The following BABAM2 variants were observed in gnomAD, a reference collection of about 807,000 sequenced individuals.
BABAM2 encodes BRISC and BRCA1 A complex member 2.
In BABAM2, 31 loss-of-function variants were observed where a neutral mutation model predicts 54.7. The ratio of observed to expected loss-of-function variants is 0.57; its 90% CI spans 0.43 to 0.77. The LOEUF (loss-of-function observed/expected upper bound fraction) is 0.77, where lower values mean the gene tolerates loss of function less well. BABAM2 is among the 30% of genes least tolerant of loss of function. The pLI is 0.00. For synonymous variants in BABAM2, 167 were observed against 162.9 expected (o/e 1.03, Z -0.19); for missense variants, 364 against 455.8 (o/e 0.80, Z 1.83).
At chr2:28,168,516 A>G (rs892262959) in intron 7 of BABAM2, among the ~76,000 whole-genome samples, 1 of 152,068 alleles carries the variant, frequency 6.6e-6, no homozygotes, top group African/African-American at 2.4e-5. Context: ...TTTTCCTTTC[A>G]TTTATGCCAA....
At chr2:27,950,534 T>C (rs796969455) in intron 3 of BABAM2, among the ~76,000 whole-genome samples, 5 of 152,322 alleles carry the variant, frequency 3.3e-5, no homozygotes, top group African/African-American at 1.2e-4. Flanking sequence ...TTTCTCTATA[T>C]TGTTGGATTT....
rs190541374 is a variant in BABAM2 at position 28,130,808 on chromosome 2, C to T, written c.680+1428C>T. On this transcript the variant is annotated intron_variant, in intron 7 of 11. Coordinates refer to ENST00000379624, the MANE Select transcript of BABAM2 (RefSeq NM_199191.3). Reference sequence around the variant, plus strand: ...AGGCTGGAGTGCAGTGGTGCAATCTCGGCTCACTGCAACCTCCACCTTCTG... The same window carrying T: ...AGGCTGGAGTGCAGTGGTGCAATCTTGGCTCACTGCAACCTCCACCTTCTG... Among the ~76,000 whole-genome samples the T allele has an allele frequency of 9.3e-4, 141 of 151,844 alleles. 2 individuals carry two copies. The East Asian group carries it at 0.014, about 15-fold the overall frequency.
At chr2:27,937,595 G>A (rs566503790) in intron 3 of BABAM2, among the ~76,000 whole-genome samples, 1 of 152,198 alleles carries the variant, frequency 6.6e-6, no homozygotes, top group African/African-American at 2.4e-5. Context: ...TTCATATACT[G>A]GTTGACCATT....
intron 4 of BABAM2, among the ~76,000 whole-genome samples, chr2:28,015,153 G>T (rs1329706280): frequency 6.6e-6 from 1 of 152,166 alleles, no homozygotes; most frequent in Non-Finnish European, 1.5e-5. Flanking sequence ...CTGGTAGCCA[G>T]CTCTGACCTT....
chr2:28,326,405 G>A (rs78919436), intron 11 of BABAM2, among the ~76,000 whole-genome samples: 6 of 152,182 alleles, frequency 3.9e-5, no homozygotes, highest in African/African-American at 1.2e-4. Context: ...GGTGCAGATG[G>A]GGAGACAAGA....
chr2:28,172,840 C>A (rs1269831084), intron 7 of BABAM2, among the ~76,000 whole-genome samples: 1 of 152,194 alleles, frequency 6.6e-6, no homozygotes, highest in East Asian at 1.9e-4. Context: ...TCAGCTCAGG[C>A]TGCCATAACA....
At chr2:28,112,194 C>T (rs1437334100) in intron 6 of BABAM2, among the ~76,000 whole-genome samples, 4 of 78,600 alleles carry the variant, frequency 5.1e-5, no homozygotes, top group African/African-American at 2.1e-4. Context: ...TCCCTCCCTC[C>T]CTCCCTTCCT....
At chr2:28,076,761 C>T (rs530743346) in intron 6 of BABAM2, among the ~76,000 whole-genome samples, 36 of 152,246 alleles carry the variant, frequency 2.4e-4, no homozygotes, top group South Asian at 2.1e-3. Flanking sequence ...CCGCTTCGGC[C>T]TCCCAAAGTG....
chr2:28,147,401 A>AT (rs1362499933), intron 7 of BABAM2, among the ~76,000 whole-genome samples: 1 of 151,956 alleles, frequency 6.6e-6, no homozygotes, highest in East Asian at 1.9e-4. Context: ...CCTCCCCTTA[A>AT]TTTTTTGTTT....
At chr2:28,106,368 A>G (rs537262423) in intron 6 of BABAM2, among the ~76,000 whole-genome samples, 283 of 152,256 alleles carry the variant, frequency 1.9e-3, no homozygotes, top group Non-Finnish European at 3.2e-3. Context: ...CGCTCCTCCC[A>G]CCTCAGCCTC....
At chr2:28,125,879 A>G (rs1669477962) in intron 6 of BABAM2, among the ~76,000 whole-genome samples, 1 of 152,240 alleles carries the variant, frequency 6.6e-6, no homozygotes, top group South Asian at 2.1e-4. Flanking sequence ...TTATGTGGCT[A>G]TTTAAAAAGC....
In BABAM2 at chr2:28,325,834, T is replaced by C. The variant is rs1690399977; in HGVS notation, c.1089-12616T>C. On this transcript the variant is annotated intron_variant, in intron 11 of 11. Coordinates refer to ENST00000379624, the MANE Select transcript of BABAM2 (RefSeq NM_199191.3). This position sits in a 1 kb window ranked among gnomAD's most constrained non-coding sequence, Gnocchi z 4.3. ...CCTGTGGAAGCCATGAGCTCTGGCC[T>C]CTGGATGCTGAGATCTGGTGGAAGA... 6.6e-6 allele frequency among the ~76,000 whole-genome samples: 1 copy of C among 152,204 alleles called. No individual in the cohort carries two copies. The highest frequency in any genetic ancestry group is 1.5e-5 in the Non-Finnish European group (1 of 68,034).
chr2:28,123,932 G>A (rs536083041), intron 6 of BABAM2, among the ~76,000 whole-genome samples: 1 of 152,072 alleles, frequency 6.6e-6, no homozygotes, highest in Non-Finnish European at 1.5e-5. Flanking sequence ...AAGCATTTCC[G>A]CTCTTTATTG....
chr2:27,907,255 CTT>C (rs879351795), intron 2 of BABAM2, among the ~76,000 whole-genome samples: 3 of 144,996 alleles, frequency 2.1e-5, no homozygotes, highest in Non-Finnish European at 4.6e-5. Context: ...AAAAATACAT[CTT>C]TTTTTTTTTT....
chr2:28,107,384 T>C (rs1414479957), intron 6 of BABAM2, among the ~76,000 whole-genome samples: 2 of 152,218 alleles, frequency 1.3e-5, no homozygotes, highest in African/African-American at 2.4e-5. Flanking sequence ...ATAAAACAAG[T>C]TCCTTAACTA....
intron 7 of BABAM2, among the ~76,000 whole-genome samples, chr2:28,213,946 T>TAAAA (rs374210606): frequency 6.8e-6 from 1 of 146,598 alleles, no homozygotes; most frequent in Non-Finnish European, 1.5e-5. Context: ...TAACTTGCTT[T>TAAAA]AAAAAAAAAA....
At chr2:27,891,383 T>C (rs944695581) in intron 1 of BABAM2, among the ~76,000 whole-genome samples, 1 of 152,206 alleles carries the variant, frequency 6.6e-6, no homozygotes, top group African/African-American at 2.4e-5. Context: ...TAGACGTCTT[T>C]GTAATCCCCA....
At chr2:27,928,358 C>T (rs1052120169) in intron 2 of BABAM2, among the ~76,000 whole-genome samples, 40 of 151,942 alleles carry the variant, frequency 2.6e-4, no homozygotes, top group African/African-American at 9.7e-4. Flanking sequence ...CCATGTTGGC[C>T]AGGCTGGTCT....
At chr2:28,120,903 T>C (rs948657396) in intron 6 of BABAM2, among the ~76,000 whole-genome samples, 2 of 152,144 alleles carry the variant, frequency 1.3e-5, no homozygotes, top group African/African-American at 2.4e-5. Context: ...GAAAGAACTT[T>C]TTAAGAAGGG....
Sources: gnomAD v4.1 joint callset for allele counts (sites outside exome capture counted in the v4.1 genomes callset) on GRCh38, gnomAD v4.1.1 for gene constraint, Gnocchi (gnomAD v3.1) non-coding constraint, MANE v1.5 for transcripts, NCBI Gene and HGNC (gene_info 2026-07-23, HGNC 2026-07-21) for gene names.